Variants in FSTL5 observed in about 807,000 individuals in gnomAD.
FSTL5 encodes follistatin like 5.
Under a neutral mutation model 89.1 loss-of-function variants are expected in FSTL5, and 62 were observed. That is an observed-to-expected ratio of 0.70 (90% CI 0.57 to 0.86). FSTL5 has a LOEUF of 0.86. FSTL5 is among the 40% of genes least tolerant of loss of function. The pLI is 0.00. For missense variants in FSTL5, 1,057 were observed against 1,001.6 expected, an observed-to-expected ratio of 1.06 and a Z score of -0.75; for synonymous variants, 383 against 346.2, an observed-to-expected ratio of 1.11 and a Z score of -1.18.
At chr4:161,760,258 A>C (rs6853951) in intron 5 of FSTL5, among the ~76,000 whole-genome samples, 151,441 of 152,296 alleles carry the variant, frequency 0.99, 75,300 homozygotes, top group Middle Eastern at 1. Context: ...TTGACTATTT[A>C]TTGTCATATA....
intron 4 of FSTL5, among the ~76,000 whole-genome samples, chr4:161,907,734 G>A (rs577206771): frequency 4.6e-5 from 7 of 152,024 alleles, no homozygotes; most frequent in Non-Finnish European, 1.0e-4. Context: ...ACTTTTTATG[G>A]AGCACTGCCT....
At chr4:161,681,744 A>G (rs1030480296) in intron 6 of FSTL5, among the ~76,000 whole-genome samples, 2 of 152,312 alleles carry the variant, frequency 1.3e-5, no homozygotes, top group Non-Finnish European at 2.9e-5. Flanking sequence ...AATTTAATTT[A>G]ATAAAATAGA....
chr4:161,908,225 C>A (rs1249950127), intron 4 of FSTL5, among the ~76,000 whole-genome samples: 2 of 151,934 alleles, frequency 1.3e-5, no homozygotes, highest in African/African-American at 2.4e-5. Context: ...TGTTCTATTT[C>A]CATCTTTACA....
chr4:161,637,724 C>G (rs374541797), intron 7 of FSTL5, among the ~76,000 whole-genome samples: 1,907 of 114,034 alleles, frequency 0.017, 21 homozygotes, highest in African/African-American at 0.073. Flanking sequence ...ATAGGGAATC[C>G]TTTCCCCATT....
chr4:161,573,563 G>A (rs28818247), intron 8 of FSTL5, among the ~76,000 whole-genome samples: 18,553 of 149,920 alleles, frequency 0.12, 1,675 homozygotes, highest in East Asian at 0.48. Context: ...TGAGAAACCC[G>A]TCTCTAGTAA....
intron 4 of FSTL5, among the ~76,000 whole-genome samples, chr4:161,871,953 GTTATTA>G: frequency 6.6e-6 from 1 of 151,372 alleles, no homozygotes; most frequent in South Asian, 2.1e-4. Context: ...AGTCATGAAA[GTTATTA>G]TTATTAATTC....
At chr4:161,744,046 A>G (rs1476474396) in intron 6 of FSTL5, among the ~76,000 whole-genome samples, 1 of 152,146 alleles carries the variant, frequency 6.6e-6, no homozygotes, top group African/African-American at 2.4e-5. Context: ...ACCAGTTGCA[A>G]ATTCTAACAC....
chr4:161,560,116 ATTC>A (rs140756340), intron 8 of FSTL5, among the ~76,000 whole-genome samples: 3,412 of 151,982 alleles, frequency 0.022, 131 homozygotes, highest in African/African-American at 0.077. Flanking sequence ...GCCCAAGACA[ATTC>A]TTCTTCCATT....
chr4:161,510,917 AT>A (rs1177819737), intron 10 of FSTL5, among the ~76,000 whole-genome samples: 1 of 152,004 alleles, frequency 6.6e-6, no homozygotes, highest in Non-Finnish European at 1.5e-5. Flanking sequence ...AAATTGGCCT[AT>A]TTTTAAAGAG....
At chr4:161,418,827 G>A (rs1731880377) in intron 15 of FSTL5, among the ~76,000 whole-genome samples, 1 of 152,130 alleles carries the variant, frequency 6.6e-6, no homozygotes, top group Non-Finnish European at 1.5e-5. Flanking sequence ...TCCAAATGTT[G>A]GGAACAAAAT....
chr4:161,954,493 C>T (rs1315322066), intron 3 of FSTL5, among the ~76,000 whole-genome samples: 1 of 149,064 alleles, frequency 6.7e-6, no homozygotes, highest in African/African-American at 2.6e-5. Context: ...TCAGACCACC[C>T]ATTGCATATC....
intron 4 of FSTL5, among the ~76,000 whole-genome samples, chr4:161,862,763 A>G (rs1302542887): frequency 6.6e-6 from 1 of 152,106 alleles, no homozygotes; most frequent in Non-Finnish European, 1.5e-5. Context: ...GAAAGAAATG[A>G]TAAAGAACCT....
chr4:162,052,723 G>A (rs904533922), intron 2 of FSTL5, among the ~76,000 whole-genome samples: 1 of 151,774 alleles, frequency 6.6e-6, no homozygotes, highest in African/African-American at 2.4e-5. Context: ...GCAAACGCGT[G>A]TGACAAAAAC....
Position 161,520,562 on chromosome 4 carries a change from A to T in FSTL5, c.1313-10138T>A, listed in dbSNP as rs552619203. The stretch of plus-strand genomic sequence containing the variant: ...GTTTATAATTCAACTAAATTGGCTT[A>T]TCTTTAAAGACACGTAGGAGTAAAT... On this transcript the variant is annotated intron_variant, in intron 10 of 15. Coordinates refer to ENST00000306100, the MANE Select transcript of FSTL5 (RefSeq NM_020116.5). Among the ~76,000 whole-genome samples, 104 of 152,260 alleles carry T rather than the reference A, an allele frequency of 6.8e-4. 2 individuals are homozygous for T. In the South Asian group the frequency reaches 0.017, roughly 24 times the overall value.
At chr4:161,798,351 A>T (rs1729695425) in intron 4 of FSTL5, among the ~76,000 whole-genome samples, 1 of 151,834 alleles carries the variant, frequency 6.6e-6, no homozygotes, top group Admixed American at 6.6e-5. Context: ...TAACTAAAAA[A>T]TGTAGAAAGA....
intron 2 of FSTL5, among the ~76,000 whole-genome samples, chr4:162,076,421 A>G (rs1729848897): frequency 6.6e-6 from 1 of 151,904 alleles, no homozygotes; most frequent in Non-Finnish European, 1.5e-5. Flanking sequence ...TTTGATTTTC[A>G]GTATAAAAAA....
intron 8 of FSTL5, among the ~76,000 whole-genome samples, chr4:161,549,126 A>T (rs901211371): frequency 2.0e-5 from 3 of 151,702 alleles, no homozygotes; most frequent in Non-Finnish European, 2.9e-5. Context: ...TGCTAATGAA[A>T]ATATGTTTAT....
chr4:161,502,250 A>C (rs1241216925), intron 11 of FSTL5, among the ~76,000 whole-genome samples: 1 of 151,830 alleles, frequency 6.6e-6, no homozygotes, highest in African/African-American at 2.4e-5. Context: ...GTGGGATTCC[A>C]CTATGATTTG....
intron 3 of FSTL5, among the ~76,000 whole-genome samples, chr4:161,940,198 A>G (rs1734540072): frequency 1.3e-5 from 2 of 151,840 alleles, no homozygotes; most frequent in Admixed American, 1.3e-4. Context: ...CAGAAAACAT[A>G]ATTAGAAAAT....
Sources: allele counts gnomAD v4.1 joint callset (sites outside exome capture counted in the v4.1 genomes callset), GRCh38; gene constraint gnomAD v4.1.1; transcripts MANE v1.5; gene names NCBI Gene and HGNC (gene_info 2026-07-23, HGNC 2026-07-21).